CDH12: variants seen among roughly 807,000 people sequenced by gnomAD.
The protein encoded by CDH12 is cadherin-12.
Under a neutral mutation model 74.1 loss-of-function variants are expected in CDH12, and 41 were observed. The observed-to-expected ratio is 0.55, with a 90% CI of 0.43 to 0.72. CDH12 has a LOEUF of 0.72. Ranked by LOEUF, CDH12 falls within the 30% of genes least tolerant of loss-of-function variation. The probability of loss-of-function intolerance (pLI) is 0.00; values close to 1 mark genes in which losing one functional copy is unlikely to be tolerated. For synonymous variants in CDH12, 399 were observed against 355.0 expected (o/e 1.12, Z -1.39); for missense variants, 945 against 977.2 (o/e 0.97, Z 0.44).
chr5:22,096,487 C>T (rs1743788941), intron 4 of CDH12, among the ~76,000 whole-genome samples: 1 of 152,030 alleles, frequency 6.6e-6, no homozygotes, highest in Non-Finnish European at 1.5e-5. Context: ...CACCTCTCTC[C>T]TCCTAGCCAG....
chr5:22,796,179 C>T lies in CDH12; in HGVS notation c.-523+56879G>A, dbSNP rs554595512. Among the ~76,000 whole-genome samples, 4 of 152,204 alleles carry T rather than the reference C, an allele frequency of 2.6e-5. No homozygotes were observed. The Middle Eastern group carries it at 0.01, about 388-fold the overall frequency. On this transcript the variant is annotated intron_variant, in intron 1 of 14. Transcript: ENST00000382254. ...CAAGTGCTGATATCTCTTTCGAATA[C>T]CGATTTCATTTTCTTTGGATATATA...
At chr5:22,159,749 C>G (rs757940066) in intron 4 of CDH12, among the ~76,000 whole-genome samples, 37 of 152,132 alleles carry the variant, frequency 2.4e-4, no homozygotes, top group Non-Finnish European at 5.1e-4. Flanking sequence ...GCGTTATCAA[C>G]TGGATGAGTT....
intron 5 of CDH12, among the ~76,000 whole-genome samples, chr5:22,020,877 G>T: frequency 6.6e-6 from 1 of 151,366 alleles, no homozygotes; most frequent in Admixed American, 6.6e-5. Context: ...CATAGCACAG[G>T]GACTATTGTA....
chr5:22,200,688 C>A (rs1335108536), intron 4 of CDH12, among the ~76,000 whole-genome samples: 1 of 152,130 alleles, frequency 6.6e-6, no homozygotes, highest in Non-Finnish European at 1.5e-5. Flanking sequence ...CGTAGGGAAG[C>A]AAAATTCTTT....
rs576199145 is a variant in CDH12 at position 22,319,403 on chromosome 5, G to T, written c.-333+85854C>A. Among the ~76,000 whole-genome samples the T allele has an allele frequency of 5.7e-4, 87 of 152,236 alleles. 2 individuals carry two copies. Among genetic ancestry groups the T allele is most frequent in the African/African-American group, 1.9e-3 (81 of 41,550 alleles). On this transcript the variant is annotated intron_variant, in intron 3 of 14. Transcript: ENST00000382254. ...ACCAACATCCTATGTGGGAAGAAAA[G>T]GAATAAAAGGCAACGCAGTTTACAC...
At chr5:21,843,079 T>C (rs1479257913) in intron 7 of CDH12, among the ~76,000 whole-genome samples, 2 of 152,196 alleles carry the variant, frequency 1.3e-5, no homozygotes, top group African/African-American at 4.8e-5. Flanking sequence ...AAATAGTTTA[T>C]ATTCCTATTT....
At chr5:22,663,807 A>C (rs1013143566) in intron 1 of CDH12, among the ~76,000 whole-genome samples, 2 of 131,182 alleles carry the variant, frequency 1.5e-5, no homozygotes, top group East Asian at 2.1e-4. Flanking sequence ...GAGCCATGAT[A>C]TAAGAATTAT....
At chr5:22,098,228 T>G (rs1743915898) in intron 4 of CDH12, among the ~76,000 whole-genome samples, 1 of 152,142 alleles carries the variant, frequency 6.6e-6, no homozygotes, top group African/African-American at 2.4e-5. Flanking sequence ...CCCCCATTAC[T>G]TCAGTCAAGC....
intron 1 of CDH12, among the ~76,000 whole-genome samples, chr5:22,586,506 A>ATATATAT (rs1366866807): frequency 9.5e-4 from 123 of 129,086 alleles, no homozygotes; most frequent in African/African-American, 2.8e-3. Flanking sequence ...TATATATATA[A>ATATATAT]ATAAAAATAA....
chr5:22,299,942 A>G (rs951463123), intron 3 of CDH12, among the ~76,000 whole-genome samples: 1 of 152,206 alleles, frequency 6.6e-6, no homozygotes, highest in Admixed American at 6.5e-5. Context: ...TCCCAAGCAA[A>G]TTAACTAAAG....
At chr5:21,894,595 A>G (rs918688672) in intron 6 of CDH12, among the ~76,000 whole-genome samples, 2 of 152,142 alleles carry the variant, frequency 1.3e-5, no homozygotes, top group African/African-American at 4.8e-5. Context: ...CCCACAATAA[A>G]TATGCAGTTT....
intron 10 of CDH12, among the ~76,000 whole-genome samples, chr5:21,785,096 C>CTGTT (rs61432285): frequency 0.68 from 103,270 of 151,570 alleles, 36,167 homozygotes; most frequent in Non-Finnish European, 0.77. Flanking sequence ...AATATTATAA[C>CTGTT]AGGGTGATCT....
intron 1 of CDH12, among the ~76,000 whole-genome samples, chr5:22,739,849 C>T (rs1184560374): frequency 6.6e-6 from 1 of 152,076 alleles, no homozygotes; most frequent in Non-Finnish European, 1.5e-5. Context: ...GATTCCAACA[C>T]TTACTTGCTT....
chr5:22,467,983 T>A (rs1745802636), intron 2 of CDH12, among the ~76,000 whole-genome samples: 1 of 152,238 alleles, frequency 6.6e-6, no homozygotes, highest in Admixed American at 6.5e-5. Context: ...GTTCTGGGCC[T>A]CCAAAATTTA....
At chr5:22,625,008 T>A (rs1345598355) in intron 1 of CDH12, among the ~76,000 whole-genome samples, 8 of 152,128 alleles carry the variant, frequency 5.3e-5, no homozygotes, top group Non-Finnish European at 1.2e-4. Flanking sequence ...ATGTCCTTTG[T>A]AGGGACACGG....
chr5:21,907,690 A>G (rs967004201), intron 6 of CDH12, among the ~76,000 whole-genome samples: 8 of 152,222 alleles, frequency 5.3e-5, no homozygotes, highest in African/African-American at 1.9e-4. Flanking sequence ...GGATATTGGT[A>G]GAAATAGGAT....
At chr5:22,088,248 C>T (rs896209037) in intron 4 of CDH12, among the ~76,000 whole-genome samples, 1 of 152,132 alleles carries the variant, frequency 6.6e-6, no homozygotes, top group Non-Finnish European at 1.5e-5. Context: ...AAATAACACT[C>T]ATTGCCAGCT....
rs201086380 is a variant in CDH12 at position 21,903,499 on chromosome 5, AG to A, written c.527-48710del. On this transcript the variant is annotated intron_variant, in intron 6 of 14. Coordinates refer to ENST00000382254, the MANE Select transcript of CDH12 (RefSeq NM_004061.5). ...CTACATATGCTTCAGAAGAAGGCTA[AG>A]GGTTCGTTATCTTAAAGGGGGAAAA... Among the ~76,000 whole-genome samples, 45 of 152,250 alleles carry A rather than the reference AG, an allele frequency of 3.0e-4. No homozygotes were observed. The East Asian group carries it at 5.4e-3, about 18-fold the overall frequency.
chr5:22,263,344 T>G (rs193025540), intron 3 of CDH12, among the ~76,000 whole-genome samples: 1 of 151,726 alleles, frequency 6.6e-6, no homozygotes, highest in African/African-American at 2.4e-5. Context: ...AAAATAAAAA[T>G]AAAGAAAGAA....
Sources: allele counts gnomAD v4.1 joint callset (sites outside exome capture counted in the v4.1 genomes callset), GRCh38; gene constraint gnomAD v4.1.1; transcripts MANE v1.5; gene names NCBI Gene and HGNC (gene_info 2026-07-23, HGNC 2026-07-21).